Variants in PCSK2 observed in about 807,000 individuals in gnomAD.
The protein encoded by PCSK2 is proprotein convertase subtilisin/kexin type 2, also known as neuroendocrine convertase 2.
PCSK2 carries 14 observed loss-of-function variants against 69.7 expected under a neutral mutation model. The observed-to-expected ratio is 0.20, with a 90% CI of 0.13 to 0.31. PCSK2 has a LOEUF of 0.31. Among genes scored for constraint, PCSK2 ranks in the 10% least tolerant of loss-of-function variants. PCSK2 has a pLI of 1.00. For synonymous variants in PCSK2, 307 were observed against 320.7 expected (o/e 0.96, Z 0.46); for missense variants, 544 against 842.5 (o/e 0.65, Z 4.39).
chr20:17,325,288 G>A (rs1990007700), intron 2 of PCSK2, among the ~76,000 whole-genome samples: 1 of 152,236 alleles, frequency 6.6e-6, no homozygotes, highest in Non-Finnish European at 1.5e-5. Flanking sequence ...AGATGAATAA[G>A]TGAATGAACA....
At chr20:17,244,675 C>T (rs1986708114) in intron 1 of PCSK2, among the ~76,000 whole-genome samples, 1 of 152,180 alleles carries the variant, frequency 6.6e-6, no homozygotes, top group Non-Finnish European at 1.5e-5. Context: ...CCTACCCAAA[C>T]AATCATTCTT....
chr20:17,347,884 GAAA>G (rs1990709956), intron 2 of PCSK2, among the ~76,000 whole-genome samples: 18 of 3,198 alleles, frequency 5.6e-3, no homozygotes, highest in Admixed American at 0.011. Flanking sequence ...AAGAAAGAAA[GAAA>G]GAAAGAAAGA....
At chr20:17,364,051 TG>T (rs1266869259) in intron 4 of PCSK2, among the ~76,000 whole-genome samples, 10 of 151,940 alleles carry the variant, frequency 6.6e-5, no homozygotes, top group African/African-American at 2.4e-4. Flanking sequence ...GACGAGTTAA[TG>T]GGTGCAGCAC....
chr20:17,395,453 C>A (rs1436543232), intron 5 of PCSK2, among the ~76,000 whole-genome samples: 1 of 152,068 alleles, frequency 6.6e-6, no homozygotes, highest in Non-Finnish European at 1.5e-5. Flanking sequence ...AAATGAGCTG[C>A]AGATGTCATG....
Position 17,272,699 on chromosome 20 carries a change from A to G in PCSK2, c.282+12355A>G, listed in dbSNP as rs1987917810. ...GGATGATATGAATCTATTAATATAG[A>G]CTCTAAGGAGTATTTCACACTGACC... On this transcript the variant is annotated intron_variant, in intron 2 of 11. Transcript: ENST00000262545. Among the ~76,000 whole-genome samples, 3 of 152,064 alleles carry G rather than the reference A, an allele frequency of 2.0e-5. No homozygotes were observed. In the South Asian group the frequency reaches 6.2e-4, roughly 32 times the overall value.
intron 2 of PCSK2, among the ~76,000 whole-genome samples, chr20:17,260,740 A>G (rs1987349702): frequency 1.3e-5 from 2 of 152,192 alleles, no homozygotes; most frequent in South Asian, 2.1e-4. Context: ...GGAGGTTGCC[A>G]TGCCCCACGT....
intron 2 of PCSK2, among the ~76,000 whole-genome samples, chr20:17,294,216 T>A (rs899093590): frequency 6.8e-6 from 1 of 146,678 alleles, no homozygotes; most frequent in South Asian, 2.2e-4. Flanking sequence ...GCCATTCTCC[T>A]GCCTCAGCCT....
intron 2 of PCSK2, among the ~76,000 whole-genome samples, chr20:17,284,435 A>T (rs1163052974): frequency 2.0e-5 from 3 of 152,220 alleles, no homozygotes; most frequent in Non-Finnish European, 4.4e-5. Flanking sequence ...TGCAGGAGTT[A>T]TCTGATCCAT....
chr20:17,373,215 G>C (rs1464093096), intron 5 of PCSK2, among the ~76,000 whole-genome samples: 1 of 152,200 alleles, frequency 6.6e-6, no homozygotes, highest in East Asian at 1.9e-4. Context: ...GGGAAGGAAA[G>C]GTAGCTTGTA....
chr20:17,385,383 A>G (rs2031208254), intron 5 of PCSK2, among the ~76,000 whole-genome samples: 1 of 152,230 alleles, frequency 6.6e-6, no homozygotes, highest in Admixed American at 6.5e-5. Flanking sequence ...GAGAGCTGAG[A>G]AAATTGAACT....
chr20:17,236,931 A>T (rs150501006), intron 1 of PCSK2, among the ~76,000 whole-genome samples: 2 of 152,250 alleles, frequency 1.3e-5, no homozygotes, highest in East Asian at 3.9e-4. Context: ...CTTCAAGGAG[A>T]TGGAAGTTCA....
chr20:17,477,799 C>T (rs1435806802), intron 11 of PCSK2, among the ~76,000 whole-genome samples: 2 of 152,090 alleles, frequency 1.3e-5, no homozygotes, highest in African/African-American at 4.8e-5. Context: ...ATATGCAAAA[C>T]TGATTTTGTG....
At chr20:17,479,919 G>T (rs2033365369) in intron 11 of PCSK2, among the ~76,000 whole-genome samples, 2 of 148,834 alleles carry the variant, frequency 1.3e-5, no homozygotes, top group African/African-American at 4.9e-5. Flanking sequence ...ATCCAAATGG[G>T]TTTATTCTCA....
intron 2 of PCSK2, among the ~76,000 whole-genome samples, chr20:17,311,269 C>T (rs1989502365): frequency 6.6e-6 from 1 of 152,052 alleles, no homozygotes; most frequent in African/African-American, 2.4e-5. Context: ...AAAACATCTA[C>T]TTTTTAACAT....
At position 17,360,527 on chromosome 20, in the gene PCSK2, A is replaced by G. The variant is rs1479634670; in HGVS notation, c.397-5A>G. On this transcript the variant is annotated splice_region_variant and splice_polypyrimidine_tract_variant and intron_variant, in intron 3 of 11. Coordinates refer to ENST00000262545, the MANE Select transcript of PCSK2 (RefSeq NM_002594.5). ...CCATTCTCTGCTTTGAAATTCCTGT[A>G]CCAGATCAATACTGGGCAAGCTGAT... The G allele has an allele frequency of 2.4e-5, 38 of 1,583,776 alleles. No homozygotes were observed. Among genetic ancestry groups the G allele is most frequent in the Non-Finnish European group, 3.2e-5 (37 of 1,154,552 alleles).
At position 17,483,420 on chromosome 20, in the gene PCSK2, A is replaced by G. The variant is rs1442172580; in HGVS notation, c.*1350A>G. ...CCCAAAAGTCACCACTCCATTCCCA[A>G]CTAGACATTACCAAAGTGACCTACC... On this transcript the variant is annotated 3_prime_UTR_variant, in exon 12 of 12. Transcript: ENST00000262545. 6.6e-6 allele frequency: 1 copy of G among 152,208 alleles called. No individual in the cohort carries two copies. Among genetic ancestry groups the G allele is most frequent in the African/African-American group, 2.4e-5 (1 of 41,418 alleles). The allele number at this position is 152,208 out of a possible 1,614,324, so 9.4% of individuals were successfully genotyped here.
At chr20:17,431,667 C>T (rs2032369965) in intron 7 of PCSK2, among the ~76,000 whole-genome samples, 1 of 152,228 alleles carries the variant, frequency 6.6e-6, no homozygotes, top group South Asian at 2.1e-4. Flanking sequence ...GGCTGCGAGG[C>T]TCCAGTCCCA....
At chr20:17,436,620 T>C in intron 7 of PCSK2, 88 bp from the exon 8 acceptor site, 1 of 1,143,756 alleles carries the variant, frequency 8.7e-7, no homozygotes, top group Non-Finnish European at 1.3e-6. Flanking sequence ...CCATTCCAAG[T>C]ACCCAGGGCC....
At chr20:17,315,952 C>T (rs762117704) in intron 2 of PCSK2, among the ~76,000 whole-genome samples, 2 of 152,210 alleles carry the variant, frequency 1.3e-5, no homozygotes, top group South Asian at 2.1e-4. Flanking sequence ...ATTAACTGTC[C>T]GGCCTTGCTG....
Sources: gnomAD v4.1 joint callset for allele counts (sites outside exome capture counted in the v4.1 genomes callset) on GRCh38, gnomAD v4.1.1 for gene constraint, MANE v1.5 for transcripts, NCBI Gene and HGNC (gene_info 2026-07-23, HGNC 2026-07-21) for gene names.